The following PADI1 variants were observed in gnomAD, a reference collection of about 807,000 sequenced individuals.
PADI1 encodes protein-arginine deiminase type-1.
PADI1 carries 65 observed loss-of-function variants against 74.8 expected under a neutral mutation model. The ratio of observed to expected loss-of-function variants is 0.87; its 90% confidence interval spans 0.71 to 1.07. The LOEUF (loss-of-function observed/expected upper bound fraction) is 1.07. Among genes scored for constraint, PADI1 ranks in the 50% least tolerant of loss-of-function variants. The pLI is 0.00. For missense variants in PADI1, 943 were observed against 854.0 expected, an observed-to-expected ratio of 1.10 and a Z score of -1.30; for synonymous variants, 371 against 336.2, an observed-to-expected ratio of 1.10 and a Z score of -1.13.
At position 17,232,839 on chromosome 1, in the gene PADI1, T is replaced by C; in HGVS notation, c.1182T>C (p.Val394=). ...KRILGPDFGY[V]TREIPLPGPS... ...CATAGGGTCCTGACTTTGGATATGT[T>C]ACCCGGGAGATCCCGCTCCCTGGTC... The change falls in exon 11 of 16, where the codon GTT becomes GTC. Residue 394 remains valine, a synonymous_variant. Transcript: ENST00000375471. The C allele has an allele frequency of 6.2e-7, 1 of 1,613,478 alleles. No individual in the cohort carries two copies. The highest frequency in any genetic ancestry group is 8.5e-7 in the Non-Finnish European group (1 of 1,179,796).
chr1:17,237,306 C>G lies in PADI1; in HGVS notation c.1314-8C>G. 1 of 1,604,224 alleles carries G rather than the reference C, an allele frequency of 6.2e-7. No homozygotes were observed. The highest frequency in any genetic ancestry group is 1.7e-4 in the Middle Eastern group (1 of 6,018). Reference sequence around the variant, plus strand: ...AAGGTGACTGCCCGCCCTCTCCCTCCTGGCCAGGTCCGGTGGGCGGCAGAT... The same window carrying G: ...AAGGTGACTGCCCGCCCTCTCCCTCGTGGCCAGGTCCGGTGGGCGGCAGAT... On this transcript the variant is annotated splice_region_variant and splice_polypyrimidine_tract_variant and intron_variant, in intron 11 of 15. Coordinates refer to ENST00000375471, the MANE Select transcript of PADI1 (RefSeq NM_013358.3).
intron 6 of PADI1, among the ~76,000 whole-genome samples, chr1:17,227,865 G>A (rs190484809): frequency 6.6e-6 from 1 of 152,330 alleles, no homozygotes; most frequent in Admixed American, 6.5e-5. Context: ...CCACCAATGT[G>A]CTCTCTGTAT....
rs186862141 is a variant in PADI1, at chr1:17,239,251, C to T, written c.1553-453C>T. On this transcript the variant is annotated intron_variant, in intron 13 of 15. Transcript: ENST00000375471. ...AGCATTGGAATGGATGTGGTGCAGA[C>T]ATCCACAAGGATAGCCCTGAGTTCA... 3.2e-3 allele frequency among the ~76,000 whole-genome samples: 482 copies of T among 152,310 alleles called. 5 individuals are homozygous for T. The highest frequency in any genetic ancestry group is 0.011 in the African/African-American group (466 of 41,562).
intron 1 of PADI1, among the ~76,000 whole-genome samples, chr1:17,211,731 G>A (rs1375220040): frequency 6.6e-6 from 1 of 152,242 alleles, no homozygotes; most frequent in African/African-American, 2.4e-5. Flanking sequence ...TGAAGGCAGG[G>A]CAGCAGATGA....
intron 4 of PADI1, among the ~76,000 whole-genome samples, chr1:17,225,434 G>C (rs896585871): frequency 2.6e-5 from 4 of 152,206 alleles, no homozygotes; most frequent in African/African-American, 9.7e-5. Flanking sequence ...GTCTCCCAAA[G>C]ATTCTCCAGA....
chr1:17,222,057 G>A (rs1017609222), intron 1 of PADI1, among the ~76,000 whole-genome samples: 3 of 152,202 alleles, frequency 2.0e-5, no homozygotes, highest in Non-Finnish European at 2.9e-5. Flanking sequence ...GAGTTTGGAA[G>A]TGTCAGATCT....
rs578096381 is a variant in PADI1, at chr1:17,230,449, GC to G, written c.1054-119del. ...CCTAAGAGGCCTCACTTCTACCTCT[GC>G]CCCTCACCAGGTCTTAGGGAAGACC... On this transcript the variant is annotated intron_variant, in intron 9 of 15. Transcript: ENST00000375471. 4.6e-4 allele frequency: 337 copies of G among 739,968 alleles called. 3 individuals are homozygous for G. In the East Asian group the frequency reaches 8.4e-3, roughly 18 times the overall value. The allele number at this position is 739,968 out of a possible 1,614,324, so 45.8% of individuals were successfully genotyped here.
intron 3 of PADI1, among the ~76,000 whole-genome samples, chr1:17,223,976 C>T (rs2072237824): frequency 6.6e-6 from 1 of 152,270 alleles, no homozygotes; most frequent in African/African-American, 2.4e-5. Context: ...CCTCATTAGA[C>T]CTCCAAGACC....
chr1:17,240,062 T>C, intron 14 of PADI1: 1 of 416,654 alleles, frequency 2.4e-6, no homozygotes, highest in East Asian at 4.1e-5. Flanking sequence ...GAGCCTCTCA[T>C]CTGAGAAGTC....
At chr1:17,211,526 G>A (rs1005202369) in intron 1 of PADI1, among the ~76,000 whole-genome samples, 1 of 152,168 alleles carries the variant, frequency 6.6e-6, no homozygotes, top group Non-Finnish European at 1.5e-5. Flanking sequence ...GTGAGATGGG[G>A]ACTACTATAA....
chr1:17,213,990 G>A (rs1001918547), intron 1 of PADI1, among the ~76,000 whole-genome samples: 7 of 152,314 alleles, frequency 4.6e-5, no homozygotes, highest in Admixed American at 3.3e-4. Flanking sequence ...TGCTCTGGGC[G>A]GCGCAGACGA....
chr1:17,222,611 G>A (rs558471028), intron 2 of PADI1, 141 bp downstream of exon 2: 14 of 665,410 alleles, frequency 2.1e-5, no homozygotes, highest in South Asian at 2.1e-4. Flanking sequence ...TACACAAAAC[G>A]TATCCTGATA....
Position 17,230,622 on chromosome 1 carries a change from G to A in PADI1, c.1104G>A (p.Val368=). ...AGGCCCCTCACAAATCCTTCCCCGTGGTCTTTGACTCCCCCAGGAACAGGG... is the reference window on the plus strand; with the variant it reads ...AGGCCCCTCACAAATCCTTCCCCGTAGTCTTTGACTCCCCCAGGAACAGGG... ...YIEAPHKSFP[V]VFDSPRNRGL... The change falls in exon 10 of 16, where the codon GTG becomes GTA. Residue 368 remains valine, a synonymous_variant. Transcript: ENST00000375471. 1 of 1,613,190 alleles carries A rather than the reference G, an allele frequency of 6.2e-7. No homozygotes were observed. The highest frequency in any genetic ancestry group is 1.3e-5 in the African/African-American group (1 of 74,982).
At chr1:17,214,182 G>A (rs945583117) in intron 1 of PADI1, among the ~76,000 whole-genome samples, 2 of 152,194 alleles carry the variant, frequency 1.3e-5, no homozygotes, top group African/African-American at 4.8e-5. Context: ...AACAGTCTAG[G>A]AAGTAGCTCT....
At position 17,228,796 on chromosome 1, in the gene PADI1, G is replaced by C. The variant is rs1209591958; in HGVS notation, c.824G>C (p.Gly275Ala). The C allele has an allele frequency of 6.2e-7, 1 of 1,613,912 alleles. No homozygotes were observed. The highest frequency in any genetic ancestry group is 8.5e-7 in the Non-Finnish European group (1 of 1,179,948). ...VSLSVSLVDPGTLPEVTLFTD... is the reference protein window; with the variant it reads ...VSLSVSLVDPATLPEVTLFTD... ...CTCAGTGTCAGCCTGGTGGACCCGG[G>C]GGTGTGTACAGCACTGGGGGGTGGC... The change falls in exon 7 of 16, where the codon GGG (glycine) becomes GCG (alanine). Residue 275 changes from glycine to alanine, a missense_variant and splice_region_variant. Physicochemically the swap from Gly to Ala is moderately conservative, Grantham distance 60. Transcript: ENST00000375471.
At chr1:17,225,330 G>A (rs1459831018) in intron 4 of PADI1, among the ~76,000 whole-genome samples, 2 of 152,182 alleles carry the variant, frequency 1.3e-5, no homozygotes, top group Non-Finnish European at 1.5e-5. Context: ...TTCCCGACTT[G>A]GCTCAGACCT....
chr1:17,229,372 G>C (rs1016058017), intron 8 of PADI1, among the ~76,000 whole-genome samples: 1 of 152,230 alleles, frequency 6.6e-6, no homozygotes, highest in African/African-American at 2.4e-5. Flanking sequence ...ACAGGCTGCT[G>C]GTGGCCATCG....
chr1:17,224,026 A>G (rs559140829), intron 3 of PADI1, among the ~76,000 whole-genome samples: 9 of 152,352 alleles, frequency 5.9e-5, no homozygotes, highest in Non-Finnish European at 8.8e-5. Flanking sequence ...GCCAGGGTCA[A>G]TGTAACGGCA....
chr1:17,240,825 G>A, intron 15 of PADI1, 65 bp downstream of exon 15: 1 of 1,569,980 alleles, frequency 6.4e-7, no homozygotes, highest in Non-Finnish European at 8.7e-7. Flanking sequence ...GCACTCCCTG[G>A]CCCAGGGCAG....
Sources: allele counts gnomAD v4.1 joint callset (sites outside exome capture counted in the v4.1 genomes callset), GRCh38; gene constraint gnomAD v4.1.1; transcripts MANE v1.5; gene names NCBI Gene and HGNC (gene_info 2026-07-23, HGNC 2026-07-21).